The following DCDC2 variants were observed in gnomAD, a reference collection of about 807,000 sequenced individuals.
The protein encoded by DCDC2 is doublecortin domain-containing protein 2.
Under a neutral mutation model 50.2 loss-of-function variants are expected in DCDC2, and 40 were observed. The ratio of observed to expected loss-of-function variants is 0.80; its 90% CI spans 0.62 to 1.04. The LOEUF is 1.04. Ranked by LOEUF, DCDC2 falls within the 50% of genes least tolerant of loss-of-function variation. The pLI is 0.00. For synonymous variants in DCDC2, 234 were observed against 210.6 expected (o/e 1.11, Z -0.96); for missense variants, 570 against 581.9 (o/e 0.98, Z 0.21).
At chr6:24,292,693 C>G (rs543033170) in intron 4 of DCDC2, among the ~76,000 whole-genome samples, 1 of 152,156 alleles carries the variant, frequency 6.6e-6, no homozygotes, top group East Asian at 1.9e-4. Context: ...CATAGTAAGA[C>G]GCTATCTCAA....
intron 8 of DCDC2, among the ~76,000 whole-genome samples, chr6:24,197,457 T>C (rs946472861): frequency 1.3e-5 from 2 of 152,246 alleles, no homozygotes; most frequent in African/African-American, 2.4e-5. Flanking sequence ...AGGTGTTGTA[T>C]ATACATGATG....
At chr6:24,304,275 G>A (rs1759431317) in intron 2 of DCDC2, among the ~76,000 whole-genome samples, 2 of 152,178 alleles carry the variant, frequency 1.3e-5, no homozygotes, top group Non-Finnish European at 2.9e-5. Context: ...CTAAGGTCAG[G>A]AGTTGGAGAC....
intron 2 of DCDC2, among the ~76,000 whole-genome samples, chr6:24,337,227 A>T (rs372726420): frequency 2.4e-4 from 37 of 152,290 alleles, no homozygotes; most frequent in African/African-American, 7.7e-4. Context: ...AATAAATAAA[A>T]AATGCATTCA....
chr6:24,173,548 CCATA>C lies in DCDC2; in HGVS notation c.*1178_*1181del, dbSNP rs1760833827. 6.6e-6 allele frequency: 1 copy of C among 152,030 alleles called. No individual in the cohort carries two copies. Among genetic ancestry groups the C allele is most frequent in the Non-Finnish European group, 1.5e-5 (1 of 67,984 alleles). 9.4% of individuals were successfully genotyped at this position (152,030 alleles called of 1,614,324 possible). A position where few individuals can be genotyped will look rare whatever the true frequency, so the allele number is the denominator to read the frequency against. On this transcript the variant is annotated 3_prime_UTR_variant, in exon 10 of 10. Coordinates refer to ENST00000378454, the MANE Select transcript of DCDC2 (RefSeq NM_016356.5). The stretch of plus-strand genomic sequence containing the variant: ...TTTTAATTATGTTTTTATGTTTTCC[CCATA>C]CATACCTCACAAGGCAACTATAAAT...
intron 8 of DCDC2, among the ~76,000 whole-genome samples, chr6:24,194,973 A>G (rs149976997): frequency 9.1e-4 from 138 of 152,296 alleles, no homozygotes; most frequent in African/African-American, 3.2e-3. Context: ...AACTAATGAA[A>G]AGAGTCTGGA....
intron 7 of DCDC2, among the ~76,000 whole-genome samples, chr6:24,262,276 T>C (rs1763028593): frequency 6.6e-6 from 1 of 152,138 alleles, no homozygotes; most frequent in African/African-American, 2.4e-5. Context: ...CCAGTGCCCA[T>C]GGAGGGAACA....
intron 7 of DCDC2, among the ~76,000 whole-genome samples, chr6:24,239,071 A>T (rs917003071): frequency 6.6e-6 from 1 of 152,230 alleles, no homozygotes; most frequent in African/African-American, 2.4e-5. Flanking sequence ...TTCATTCAAC[A>T]AGTGTCAAGC....
rs751828690 is a variant in DCDC2 at position 24,357,946 on chromosome 6, C to G, written c.-196G>C. On this transcript the variant is annotated 5_prime_UTR_variant, in exon 1 of 10. Transcript: ENST00000378454. ...GAGGAGACACTAGGAGCTTGCAGGA[C>G]TCGGAGTAGACGCTCAAGTTTTTCA... is the stretch of plus-strand genomic sequence containing the variant. 1.2e-5 allele frequency: 18 copies of G among 1,505,204 alleles called. No homozygotes were observed. The South Asian group carries it at 2.2e-4, about 18-fold the overall frequency. 93.2% of individuals were successfully genotyped at this position (1,505,204 alleles called of 1,614,324 possible). A position where few individuals can be genotyped will look rare whatever the true frequency, so the allele number is the denominator to read the frequency against.
At chr6:24,234,470 C>A (rs1227088450) in intron 7 of DCDC2, among the ~76,000 whole-genome samples, 1 of 151,972 alleles carries the variant, frequency 6.6e-6, no homozygotes, top group Non-Finnish European at 1.5e-5. Context: ...GGAACGAGTG[C>A]AGAACAAAAC....
chr6:24,209,077 G>A (rs763699614), intron 7 of DCDC2, among the ~76,000 whole-genome samples: 15 of 152,132 alleles, frequency 9.9e-5, no homozygotes, highest in Non-Finnish European at 1.6e-4. Flanking sequence ...AAAAGAATCC[G>A]AATGATATAA....
chr6:24,295,089 C>T (rs893305805), intron 4 of DCDC2, among the ~76,000 whole-genome samples: 5 of 152,138 alleles, frequency 3.3e-5, no homozygotes, highest in Non-Finnish European at 5.9e-5. Flanking sequence ...TACTTGCAAA[C>T]TGAATCCAGC....
intron 7 of DCDC2, among the ~76,000 whole-genome samples, chr6:24,221,753 A>G (rs1238317390): frequency 6.6e-6 from 1 of 152,228 alleles, no homozygotes; most frequent in African/African-American, 2.4e-5. Context: ...TTGAAGTTTA[A>G]ATAACATGCC....
At chr6:24,175,588 G>T (rs188285445) in intron 9 of DCDC2, among the ~76,000 whole-genome samples, 1 of 152,228 alleles carries the variant, frequency 6.6e-6, no homozygotes, top group Non-Finnish European at 1.5e-5. Flanking sequence ...ATATATGACT[G>T]GTGCCGTGTC....
intron 2 of DCDC2, among the ~76,000 whole-genome samples, chr6:24,346,211 C>T (rs111913109): frequency 0.011 from 1,525 of 144,568 alleles, 28 homozygotes; most frequent in African/African-American, 0.036. Flanking sequence ...TTTACAGAAA[C>T]AAAAATGAAC....
At chr6:24,230,906 C>G (rs1223975301) in intron 7 of DCDC2, among the ~76,000 whole-genome samples, 1 of 152,236 alleles carries the variant, frequency 6.6e-6, no homozygotes, top group East Asian at 1.9e-4. Flanking sequence ...TCTTAAGGCT[C>G]TACCTAGCCC....
intron 8 of DCDC2, among the ~76,000 whole-genome samples, chr6:24,180,589 A>C (rs1761048904): frequency 6.6e-6 from 1 of 150,894 alleles, no homozygotes; most frequent in Non-Finnish European, 1.5e-5. Flanking sequence ...TGCCCGGCCC[A>C]GGGTTTTTTT....
the DCDC2 span, among the ~76,000 whole-genome samples, chr6:24,374,198 G>A: frequency 6.6e-6 from 1 of 151,456 alleles, no homozygotes; most frequent in African/African-American, 2.4e-5. Context: ...GGAAGAAGGG[G>A]AGAAGAGTGC....
chr6:24,301,564 A>G (rs943545316), intron 4 of DCDC2, 151 bp downstream of exon 4: 4 of 842,612 alleles, frequency 4.7e-6, no homozygotes, highest in East Asian at 2.4e-5. Flanking sequence ...GCTATGAGGT[A>G]TATCTCCATT....
intron 6 of DCDC2, 89 bp from the exon 7 acceptor site, chr6:24,278,300 CAGGGCA>C: frequency 8.1e-7 from 1 of 1,233,230 alleles, no homozygotes; most frequent in Non-Finnish European, 1.1e-6. Flanking sequence ...TACTGGTAAG[CAGGGCA>C]GGGGCAGGGA....
Sources: gnomAD v4.1 joint callset for allele counts (sites outside exome capture counted in the v4.1 genomes callset) on GRCh38, gnomAD v4.1.1 for gene constraint, MANE v1.5 for transcripts, NCBI Gene and HGNC (gene_info 2026-07-23, HGNC 2026-07-21) for gene names.